Variants in DLGAP2 observed in about 807,000 individuals in gnomAD.
DLGAP2 encodes DLG associated protein 2.
A neutral mutation model predicts 100.3 loss-of-function variants in DLGAP2; 26 were observed. That is an observed-to-expected ratio of 0.26 (90% CI 0.19 to 0.36). The LOEUF is 0.36. Among genes scored for constraint, DLGAP2 ranks in the 10% least tolerant of loss-of-function variants. The pLI, the probability that DLGAP2 is intolerant of heterozygous loss-of-function variation, is 1.00. For missense variants in DLGAP2, 1,858 were observed against 1,453.2 expected (o/e 1.28, Z -4.53); for synonymous variants, 886 against 630.1 (o/e 1.41, Z -6.08).
At chr8:1,338,768 G>A (rs1801347461) in intron 3 of DLGAP2, among the ~76,000 whole-genome samples, 2 of 152,188 alleles carry the variant, frequency 1.3e-5, no homozygotes, top group Admixed American at 6.5e-5. Flanking sequence ...GCACCCTGTG[G>A]AGACTGAACG....
At chr8:1,472,294 A>T (rs947118023) in intron 3 of DLGAP2, among the ~76,000 whole-genome samples, 1 of 152,170 alleles carries the variant, frequency 6.6e-6, no homozygotes, top group Admixed American at 6.5e-5. Flanking sequence ...GGAGCAGGAG[A>T]GGACGCAGCT....
At chr8:1,464,284 AACG>A (rs879415870) in intron 3 of DLGAP2, among the ~76,000 whole-genome samples, 11,873 of 60,494 alleles carry the variant, frequency 0.2, 1,375 homozygotes, top group East Asian at 0.51. Flanking sequence ...CTTCCAGGAC[AACG>A]CCCTTCCAGG....
Position 1,690,868 on chromosome 8 carries a change from G to C in DLGAP2, c.2705-667G>C, listed in dbSNP as rs563933088. Among the ~76,000 whole-genome samples the C allele has an allele frequency of 2.0e-5, 3 of 152,222 alleles. No homozygotes were observed. The East Asian group carries it at 5.8e-4, about 29-fold the overall frequency. On this transcript the variant is annotated intron_variant, in intron 12 of 14. Transcript: ENST00000637795. ...GCATTACACATATACTGGGTACATG[G>C]ATTGGTGAGTTTAGTAGCTGTGAGC...
chr8:1,436,391 A>T (rs1797629718), intron 3 of DLGAP2, among the ~76,000 whole-genome samples: 1 of 152,140 alleles, frequency 6.6e-6, no homozygotes, highest in South Asian at 2.1e-4. Context: ...CAGTCCTTCC[A>T]CCTTCCTCTG....
At chr8:1,516,316 G>C (rs1306757912) in intron 4 of DLGAP2, among the ~76,000 whole-genome samples, 1 of 151,094 alleles carries the variant, frequency 6.6e-6, no homozygotes, top group Non-Finnish European at 1.5e-5. Context: ...AATGAGGGAG[G>C]GAGGGAGTGA....
At chr8:1,483,855 A>G (rs1041407172) in intron 3 of DLGAP2, among the ~76,000 whole-genome samples, 2 of 152,236 alleles carry the variant, frequency 1.3e-5, no homozygotes, top group Non-Finnish European at 2.9e-5. Flanking sequence ...TGGTTTGCTC[A>G]CAATTGTTCA....
At chr8:1,506,084 G>A (rs964341301) in intron 4 of DLGAP2, among the ~76,000 whole-genome samples, 2 of 152,182 alleles carry the variant, frequency 1.3e-5, no homozygotes, top group Non-Finnish European at 2.9e-5. Flanking sequence ...CAGGCACATA[G>A]ATTGTGAACA....
intron 4 of DLGAP2, among the ~76,000 whole-genome samples, chr8:1,537,218 A>C (rs1801182543): frequency 6.6e-6 from 1 of 152,110 alleles, no homozygotes; most frequent in African/African-American, 2.4e-5. Flanking sequence ...TGTGTACAAA[A>C]GCATGTGCAT....
rs114674311 is a variant in DLGAP2, at chr8:1,582,355, T to A, written c.1442+16461T>A. Reference sequence around the variant, plus strand: ...AAAGAAAGAAAATTATAGACCATTATGTACAGAAGAATAAAGAATTACAGC... The same window carrying A: ...AAAGAAAGAAAATTATAGACCATTAAGTACAGAAGAATAAAGAATTACAGC... On this transcript the variant is annotated intron_variant, in intron 6 of 14. Transcript: ENST00000637795. Among the ~76,000 whole-genome samples, 304 of 151,422 alleles carry A rather than the reference T, an allele frequency of 2.0e-3. 2 individuals carry two copies. Among genetic ancestry groups the A allele is most frequent in the African/African-American group, 7.0e-3 (289 of 41,270 alleles).
intron 4 of DLGAP2, among the ~76,000 whole-genome samples, chr8:1,541,574 A>G (rs1369780431): frequency 6.6e-6 from 1 of 152,174 alleles, no homozygotes. Context: ...GCAAACCTCA[A>G]ACAGATAAGG....
intron 2 of DLGAP2, among the ~76,000 whole-genome samples, chr8:1,009,685 G>A (rs904838219): frequency 6.6e-6 from 1 of 152,192 alleles, no homozygotes; most frequent in African/African-American, 2.4e-5. Context: ...GAACTTGCAT[G>A]ATGAAGAACC....
At chr8:1,609,222 T>C (rs1370923299) in intron 6 of DLGAP2, among the ~76,000 whole-genome samples, 2 of 140,482 alleles carry the variant, frequency 1.4e-5, no homozygotes, top group African/African-American at 5.1e-5. Context: ...CAGAAGAGAG[T>C]GGGGGCCAAT....
chr8:1,275,880 A>AATATATAATATATAAATATATATAATAT (rs1386134262), intron 3 of DLGAP2, among the ~76,000 whole-genome samples: 1 of 67,234 alleles, frequency 1.5e-5, no homozygotes, highest in Non-Finnish European at 3.2e-5. Flanking sequence ...ATAATATATA[A>AATATATAATATATAAATATATATAATAT]ATAAATATAT....
chr8:1,456,423 T>C (rs1351905068), intron 3 of DLGAP2, among the ~76,000 whole-genome samples: 1 of 152,162 alleles, frequency 6.6e-6, no homozygotes, highest in African/African-American at 2.4e-5. Context: ...GGCAATCACA[T>C]AATGATTCAA....
At chr8:954,243 T>C (rs943176832) in intron 2 of DLGAP2, among the ~76,000 whole-genome samples, 1 of 152,224 alleles carries the variant, frequency 6.6e-6, no homozygotes, top group African/African-American at 2.4e-5. Flanking sequence ...GCACATTTTA[T>C]GTGCGCAATA....
At chr8:1,167,206 A>T (rs1443516427) in intron 2 of DLGAP2, among the ~76,000 whole-genome samples, 1 of 152,208 alleles carries the variant, frequency 6.6e-6, no homozygotes, top group Non-Finnish European at 1.5e-5. Flanking sequence ...GTTAGAAGAA[A>T]AAAGCACATG....
At chr8:1,684,636 A>C (rs1377710377) in intron 12 of DLGAP2, among the ~76,000 whole-genome samples, 2 of 152,158 alleles carry the variant, frequency 1.3e-5, no homozygotes, top group Non-Finnish European at 2.9e-5. Flanking sequence ...AACCCAAAGA[A>C]ATGCTGGTCT....
At chr8:861,899 T>C (rs927622313) in intron 1 of DLGAP2, among the ~76,000 whole-genome samples, 5 of 152,234 alleles carry the variant, frequency 3.3e-5, no homozygotes, top group African/African-American at 1.2e-4. Context: ...GGTAATATTG[T>C]AGGGCTCAGT....
At chr8:1,640,460 G>A (rs920908978) in intron 8 of DLGAP2, among the ~76,000 whole-genome samples, 6 of 152,152 alleles carry the variant, frequency 3.9e-5, no homozygotes, top group African/African-American at 9.7e-5. Context: ...TGCGGGAGTC[G>A]GTCCGAGATG....
Sources: gnomAD v4.1 joint callset for allele counts (sites outside exome capture counted in the v4.1 genomes callset) on GRCh38, gnomAD v4.1.1 for gene constraint, MANE v1.5 for transcripts, NCBI Gene and HGNC (gene_info 2026-07-23, HGNC 2026-07-21) for gene names.